The following RBFOX1 variants were observed in gnomAD, a reference collection of about 807,000 sequenced individuals.
RBFOX1 encodes the protein RNA binding protein fox-1 homolog 1.
In RBFOX1, 8 loss-of-function variants were observed where a neutral mutation model predicts 57.7. The ratio of observed to expected loss-of-function variants is 0.14; its 90% CI spans 0.08 to 0.25. The LOEUF is 0.25. Among genes scored for constraint, RBFOX1 ranks in the 10% least tolerant of loss-of-function variants. The probability of loss-of-function intolerance (pLI) is 1.00; values close to 1 mark genes in which losing one functional copy is unlikely to be tolerated. For synonymous variants in RBFOX1, 326 were observed against 222.4 expected (o/e 1.47, Z -4.15); for missense variants, 611 against 548.5 (o/e 1.11, Z -1.14).
chr16:7,165,206 A>G lies in RBFOX1; in HGVS notation c.27+113108A>G, dbSNP rs190651457. ...GGAAGGGATTAGCAAGACAGTCTCT[A>G]TCTCTGCCACAGGTGTGACATGCAG... On this transcript the variant is annotated intron_variant, in intron 4 of 15. Transcript: ENST00000550418. 2.1e-3 allele frequency among the ~76,000 whole-genome samples: 315 copies of G among 152,094 alleles called. 1 individual carries two copies. The highest frequency in any genetic ancestry group is 6.8e-3 in the African/African-American group (284 of 41,494).
At chr16:6,277,063 T>C (rs1391927653) in intron 1 of RBFOX1, among the ~76,000 whole-genome samples, 1 of 152,186 alleles carries the variant, frequency 6.6e-6, no homozygotes, top group Non-Finnish European at 1.5e-5. Context: ...GTTATCACTT[T>C]GTAAACTAAA....
At chr16:7,667,758 A>G (rs1597655656) in intron 13 of RBFOX1, among the ~76,000 whole-genome samples, 1 of 152,104 alleles carries the variant, frequency 6.6e-6, no homozygotes, top group South Asian at 2.1e-4. Flanking sequence ...TCTGTCTGCA[A>G]CCTCTGCCCC....
intron 4 of RBFOX1, among the ~76,000 whole-genome samples, chr16:7,065,484 CATCT>C (rs1455544426): frequency 1.3e-5 from 2 of 152,106 alleles, no homozygotes; most frequent in Admixed American, 6.5e-5. Flanking sequence ...GCAAAGCTGC[CATCT>C]ATCTAAGACG....
At chr16:7,274,232 C>T (rs899777847) in intron 4 of RBFOX1, among the ~76,000 whole-genome samples, 1 of 152,206 alleles carries the variant, frequency 6.6e-6, no homozygotes, top group African/African-American at 2.4e-5. Context: ...TGAGTGCTTA[C>T]TATGTTCCGA....
intron 2 of RBFOX1, among the ~76,000 whole-genome samples, chr16:6,636,204 T>G (rs2098431299): frequency 2.0e-5 from 3 of 152,166 alleles, no homozygotes; most frequent in Admixed American, 1.3e-4. Flanking sequence ...GGAGTCTCGC[T>G]CTGTCGCCCA....
intron 4 of RBFOX1, among the ~76,000 whole-genome samples, chr16:7,304,869 C>A (rs1282006626): frequency 6.6e-6 from 1 of 151,178 alleles, no homozygotes; most frequent in Non-Finnish European, 1.5e-5. Flanking sequence ...GTTAATTCAG[C>A]TGATTTAATA....
intron 1 of RBFOX1, among the ~76,000 whole-genome samples, chr16:6,116,430 A>G (rs58856175): frequency 2.1e-4 from 32 of 152,312 alleles, no homozygotes; most frequent in African/African-American, 7.5e-4. Context: ...TAATTTTTAA[A>G]AAGCTGTTAA....
intron 1 of RBFOX1, among the ~76,000 whole-genome samples, chr16:6,270,282 G>A (rs141577117): frequency 2.0e-5 from 3 of 152,108 alleles, no homozygotes; most frequent in Non-Finnish European, 4.4e-5. Context: ...CTTTGTAAGA[G>A]ATTGTTAGAG....
intron 3 of RBFOX1, among the ~76,000 whole-genome samples, chr16:6,678,522 A>C (rs556805026): frequency 6.6e-6 from 1 of 151,712 alleles, no homozygotes; most frequent in Non-Finnish European, 1.5e-5. Context: ...TACACTTACA[A>C]AATAAAGAGA....
At chr16:6,054,216 G>A (rs1209074323) in intron 1 of RBFOX1, among the ~76,000 whole-genome samples, 1 of 151,970 alleles carries the variant, frequency 6.6e-6, no homozygotes, top group Admixed American at 6.6e-5. Context: ...ATCCTGCTCT[G>A]CTTATTAGGA....
intron 3 of RBFOX1, among the ~76,000 whole-genome samples, chr16:6,959,796 G>A (rs982552442): frequency 3.3e-5 from 5 of 152,154 alleles, no homozygotes; most frequent in African/African-American, 1.2e-4. Context: ...AATTAGCCGG[G>A]TGTGTTGGCA....
intron 2 of RBFOX1, among the ~76,000 whole-genome samples, chr16:6,536,198 C>G (rs538067326): frequency 1.3e-5 from 2 of 152,114 alleles, no homozygotes; most frequent in South Asian, 2.1e-4. Context: ...AAATGCAACC[C>G]AAAAATCTTG....
chr16:6,534,253 G>T (rs771266623), intron 2 of RBFOX1, among the ~76,000 whole-genome samples: 1 of 151,660 alleles, frequency 6.6e-6, no homozygotes, highest in Non-Finnish European at 1.5e-5. Context: ...GGACATCAGT[G>T]TGTATGTGTG....
chr16:5,886,438 T>G (rs1275946313), intron 4 of RBFOX1, among the ~76,000 whole-genome samples: 1 of 152,240 alleles, frequency 6.6e-6, no homozygotes, highest in East Asian at 1.9e-4. Flanking sequence ...GAAATAACTT[T>G]GGCGTATGAA....
At chr16:7,113,559 C>T (rs987642667) in intron 4 of RBFOX1, among the ~76,000 whole-genome samples, 3 of 152,122 alleles carry the variant, frequency 2.0e-5, no homozygotes, top group African/African-American at 7.2e-5. Flanking sequence ...TGCAATTATG[C>T]ACCCGCACCA....
At chr16:6,673,546 G>T (rs1183459141) in intron 3 of RBFOX1, among the ~76,000 whole-genome samples, 2 of 152,174 alleles carry the variant, frequency 1.3e-5, no homozygotes, top group Non-Finnish European at 2.9e-5. Context: ...GGAGGTTGTA[G>T]TGAGCCTACA....
At chr16:6,780,688 T>G (rs1386698608) in intron 3 of RBFOX1, among the ~76,000 whole-genome samples, 1 of 150,316 alleles carries the variant, frequency 6.7e-6, no homozygotes, top group African/African-American at 2.4e-5. Context: ...AGAGAGCTAT[T>G]TTAACTGGGG....
At chr16:6,421,807 C>T (rs1259628112) in intron 2 of RBFOX1, among the ~76,000 whole-genome samples, 1 of 152,032 alleles carries the variant, frequency 6.6e-6, no homozygotes, top group Non-Finnish European at 1.5e-5. Flanking sequence ...ATACCATAAA[C>T]CCAGTCAGAC....
intron 2 of RBFOX1, among the ~76,000 whole-genome samples, chr16:6,499,754 C>G (rs1281622778): frequency 1.3e-5 from 2 of 152,118 alleles, no homozygotes; most frequent in African/African-American, 4.8e-5. Flanking sequence ...TATAATTTCA[C>G]TTGGAATCAG....
Sources: gnomAD v4.1 joint callset for allele counts (sites outside exome capture counted in the v4.1 genomes callset) on GRCh38, gnomAD v4.1.1 for gene constraint, MANE v1.5 for transcripts, NCBI Gene and HGNC (gene_info 2026-07-23, HGNC 2026-07-21) for gene names.